Variants in CEP89 observed in about 807,000 individuals in gnomAD.
The protein encoded by CEP89 is centrosomal protein 89, also known as centrosomal protein of 89 kDa.
CEP89 carries 95 observed loss-of-function variants against 97.6 expected under a neutral mutation model. The observed-to-expected ratio is 0.97, with a 90% CI of 0.82 to 1.15. CEP89 has a LOEUF of 1.15. CEP89 is among the 50% of genes most tolerant of loss of function. The probability of loss-of-function intolerance (pLI) is 0.00; values close to 1 mark genes in which losing one functional copy is unlikely to be tolerated. For synonymous variants in CEP89, 354 were observed against 349.1 expected (o/e 1.01, Z -0.16); for missense variants, 869 against 947.7 (o/e 0.92, Z 1.09).
rs751257830 is a variant in CEP89, at chr19:32,936,302, TG to T, written c.667+1328del. On this transcript the variant is annotated intron_variant, in intron 7 of 18. Transcript: ENST00000305768. This position sits in a 1 kb window ranked among gnomAD's most constrained non-coding sequence, Gnocchi z 4.5. ...TGCCGCCTCAGCCCCCTCCAGACTT[TG>T]GGCACCCATGAGCACAGGAGGGAAA... Among the ~76,000 whole-genome samples the T allele has an allele frequency of 1.1e-4, 16 of 152,148 alleles. No homozygotes were observed. The highest frequency in any genetic ancestry group is 1.6e-4 in the Non-Finnish European group (11 of 68,010).
chr19:32,947,941 T>C (rs944643955), intron 5 of CEP89, among the ~76,000 whole-genome samples: 3 of 152,194 alleles, frequency 2.0e-5, no homozygotes, highest in Non-Finnish European at 4.4e-5. Context: ...GCTGGGACTG[T>C]AGGCGTGCAC....
intron 18 of CEP89, 40 bp downstream of exon 18, chr19:32,881,804 A>C (rs1969286482): frequency 1.3e-6 from 2 of 1,547,006 alleles, no homozygotes; most frequent in Non-Finnish European, 1.7e-6. Context: ...TCAGACATTC[A>C]GACATCTCTG....
At chr19:32,971,658 T>TAAA (rs34358164) in intron 1 of CEP89, 178 bp downstream of exon 1, 171 of 590,370 alleles carry the variant, frequency 2.9e-4, no homozygotes, top group African/African-American at 1.6e-3. Flanking sequence ...CCCTGTTTCT[T>TAAA]AAAAAAAAAA....
chr19:32,910,501 A>T (rs949081017), intron 14 of CEP89, among the ~76,000 whole-genome samples: 1 of 152,212 alleles, frequency 6.6e-6, no homozygotes, highest in South Asian at 2.1e-4. Flanking sequence ...AATTATTTTT[A>T]AAATTGTTCT....
In CEP89 at chr19:32,939,876, T is replaced by C. The variant is rs1201748370; in HGVS notation, c.605A>G (p.His202Arg). The C allele has an allele frequency of 2.4e-6, 3 of 1,276,506 alleles. No individual in the cohort carries two copies. The highest frequency in any genetic ancestry group is 1.3e-5 in the South Asian group (1 of 78,728). 79.1% of individuals were successfully genotyped at this position (1,276,506 alleles called of 1,614,324 possible). ...PQRTQQKDGK[H>R]PVLNLKDEKP... Reference sequence around the variant, plus strand: ...TCTTACCTTTAAATTCAGAACAGGGTGTTTACCATCTGATGAAGAAAAAGA... The same window carrying C: ...TCTTACCTTTAAATTCAGAACAGGGCGTTTACCATCTGATGAAGAAAAAGA... Residue 202 changes from histidine (H) to arginine (R), a missense_variant, in exon 6 of 19, where the codon CAC becomes CGC. Coordinates refer to ENST00000305768, the MANE Select transcript of CEP89 (RefSeq NM_032816.5).
At chr19:32,935,100 C>T (rs1970552985) in intron 7 of CEP89, among the ~76,000 whole-genome samples, 1 of 152,202 alleles carries the variant, frequency 6.6e-6, no homozygotes. Context: ...CCTCCTCAGG[C>T]AGAACACACA....
intron 17 of CEP89, among the ~76,000 whole-genome samples, chr19:32,884,918 G>A (rs992097604): frequency 1.3e-5 from 2 of 152,052 alleles, no homozygotes; most frequent in Non-Finnish European, 2.9e-5. Flanking sequence ...TTATTCTTAC[G>A]CCTTTATATT....
chr19:32,883,106 C>A (rs1969320274), intron 17 of CEP89, among the ~76,000 whole-genome samples: 1 of 151,814 alleles, frequency 6.6e-6, no homozygotes, highest in Admixed American at 6.6e-5. Flanking sequence ...TCGCGATCCG[C>A]CTGCCTCGGC....
rs2145860597 is a variant in CEP89, at chr19:32,877,053, A to AG, written c.*2108dup. 1 of 152,328 alleles carries AG rather than the reference A, an allele frequency of 6.6e-6. No homozygotes were observed. The highest frequency in any genetic ancestry group is 6.5e-5 in the Admixed American group (1 of 15,296). 9.4% of individuals were successfully genotyped at this position (152,328 alleles called of 1,614,324 possible). A position where few individuals can be genotyped will look rare whatever the true frequency, so the allele number is the denominator to read the frequency against. Reference sequence around the variant, plus strand: ...CGCCGCCTGTCAGCCTGTCTACAGGAGGCTGCAGAGCGGCCGTAAATGCCT... The same window carrying AG: ...CGCCGCCTGTCAGCCTGTCTACAGGAGGGCTGCAGAGCGGCCGTAAATGCCT... On this transcript the variant is annotated 3_prime_UTR_variant, in exon 19 of 19. Coordinates refer to ENST00000305768, the MANE Select transcript of CEP89 (RefSeq NM_032816.5).
chr19:32,918,435 G>C, intron 12 of CEP89, 96 bp from the exon 13 acceptor site: 1 of 823,464 alleles, frequency 1.2e-6, no homozygotes, highest in Non-Finnish European at 2.1e-6. Context: ...CTGCATTACA[G>C]GTAATGAATA....
intron 13 of CEP89, among the ~76,000 whole-genome samples, chr19:32,917,011 A>C (rs1034658954): frequency 3.3e-5 from 5 of 152,164 alleles, no homozygotes; most frequent in African/African-American, 1.2e-4. Context: ...GTCTCAAAAA[A>C]AATAAAAAGA....
intron 9 of CEP89, among the ~76,000 whole-genome samples, chr19:32,927,505 T>C (rs1372616897): frequency 6.6e-6 from 1 of 152,174 alleles, no homozygotes; most frequent in Non-Finnish European, 1.5e-5. Context: ...CTAACCTATA[T>C]GTTATCTTCA....
chr19:32,964,367 T>C (rs1720565381), intron 2 of CEP89, among the ~76,000 whole-genome samples: 1 of 152,192 alleles, frequency 6.6e-6, no homozygotes, highest in African/African-American at 2.4e-5. Context: ...AGATAGGTTT[T>C]CACCGTGTTG....
chr19:32,904,592 C>T (rs1365766777), intron 14 of CEP89, among the ~76,000 whole-genome samples: 1 of 141,850 alleles, frequency 7.0e-6, no homozygotes. Flanking sequence ...CATTTTCTTT[C>T]TTCCTTTTTT....
At chr19:32,915,278 G>A (rs1437480032) in intron 14 of CEP89, 59 bp downstream of exon 14, 1 of 1,425,858 alleles carries the variant, frequency 7.0e-7, no homozygotes, top group Non-Finnish European at 9.4e-7. Context: ...GAGCAACATA[G>A]CAAGACCCTG....
intron 17 of CEP89, among the ~76,000 whole-genome samples, chr19:32,883,278 G>C (rs1379156705): frequency 6.6e-6 from 1 of 152,114 alleles, no homozygotes; most frequent in African/African-American, 2.4e-5. Context: ...GAATTGTTTA[G>C]TGCACAGTTT....
intron 4 of CEP89, 33 bp from the exon 5 acceptor site, chr19:32,948,401 G>A: frequency 7.2e-7 from 1 of 1,382,982 alleles, no homozygotes; most frequent in Non-Finnish European, 1.0e-6. Flanking sequence ...GAGCAAAAAA[G>A]TGAGAAAGGT....
At chr19:32,962,689 T>C (rs7255876) in intron 2 of CEP89, among the ~76,000 whole-genome samples, 2,381 of 152,270 alleles carry the variant, frequency 0.016, 69 homozygotes, top group African/African-American at 0.054. Flanking sequence ...AGACAAGCCA[T>C]AGATAGAGAG....
At chr19:32,959,152 A>T (rs1159838926) in intron 3 of CEP89, among the ~76,000 whole-genome samples, 3 of 151,430 alleles carry the variant, frequency 2.0e-5, no homozygotes, top group Non-Finnish European at 4.4e-5. Flanking sequence ...AAAGGCAGAC[A>T]CCAACCCTCT....
Sources: allele counts gnomAD v4.1 joint callset (sites outside exome capture counted in the v4.1 genomes callset), GRCh38; gene constraint gnomAD v4.1.1; non-coding constraint Gnocchi (gnomAD v3.1); transcripts MANE v1.5; gene names NCBI Gene and HGNC (gene_info 2026-07-23, HGNC 2026-07-21).